ZNG1F: variants seen among roughly 807,000 people sequenced by gnomAD.
ZNG1F encodes the protein zinc-regulated GTPase metalloprotein activator 1F.
At chr9:41,156,027 A>G in the ZNG1F span, among the ~76,000 whole-genome samples, 4 of 113,042 alleles carry the variant, frequency 3.5e-5, no homozygotes, top group African/African-American at 1.4e-4. Context: ...ATAAAAAATA[A>G]AAAAATAAAG....
chr9:41,134,000 C>A, the ZNG1F span: 1 of 510,932 alleles, frequency 2.0e-6, no homozygotes, highest in Non-Finnish European at 3.4e-6. Flanking sequence ...ACTCAAAAAC[C>A]CTGATGAAAG....
chr9:41,161,032 G>C, the ZNG1F span: 1 of 14,470 alleles, frequency 6.9e-5, no homozygotes, highest in East Asian at 1.5e-3. Context: ...CTATAATAAA[G>C]CAAATGTTAG....
chr9:41,183,028 G>A, the ZNG1F span, among the ~76,000 whole-genome samples: 1 of 48,860 alleles, frequency 2.0e-5, no homozygotes, highest in African/African-American at 8.8e-5. Flanking sequence ...AAATGATGCC[G>A]AAGAGATTTA....
At chr9:41,152,414 C>A in the ZNG1F span, among the ~76,000 whole-genome samples, 2 of 148,488 alleles carry the variant, frequency 1.3e-5, no homozygotes, top group Non-Finnish European at 3.0e-5. Context: ...GAGACTTTAA[C>A]ACCCCACTGT....
At chr9:41,132,552 G>T in the ZNG1F span, 39 of 1,379,120 alleles carry the variant, frequency 2.8e-5, no homozygotes, top group Non-Finnish European at 3.7e-5. Context: ...TTCAAAAAAG[G>T]TTTCTGTGTA....
the ZNG1F span, chr9:41,146,112 G>T: frequency 6.9e-6 from 1 of 145,772 alleles, no homozygotes; most frequent in African/African-American, 2.6e-5. Flanking sequence ...AGTCTCTTTG[G>T]GGGGTCCTAG....
the ZNG1F span, chr9:41,183,637 C>G: frequency 6.2e-7 from 1 of 1,604,216 alleles, no homozygotes. Flanking sequence ...TGGCTGACAG[C>G]TAAGGATTTC....
the ZNG1F span, chr9:41,145,611 AAT>A: frequency 5.6e-6 from 1 of 177,048 alleles, no homozygotes; most frequent in African/African-American, 3.0e-5. Flanking sequence ...TGTATGGTTA[AAT>A]ATGTCAGTAA....
At chr9:41,200,777 G>A in the ZNG1F span, among the ~76,000 whole-genome samples, 1 of 152,332 alleles carries the variant, frequency 6.6e-6, no homozygotes, top group African/African-American at 2.4e-5. Context: ...ATCTCACATG[G>A]AACCAGACAG....
At chr9:41,154,757 G>T in the ZNG1F span, among the ~76,000 whole-genome samples, 2 of 150,210 alleles carry the variant, frequency 1.3e-5, 1 homozygote, top group African/African-American at 4.9e-5. Context: ...AGTGGGGAAA[G>T]ATTCCCTATT....
chr9:41,204,410 ATATATATATATC>A, the ZNG1F span, among the ~76,000 whole-genome samples: 1 of 12,046 alleles, frequency 8.3e-5, no homozygotes, highest in African/African-American at 1.6e-4. Context: ...ATATATATAT[ATATATATATATC>A]TGTATAACCA....
chr9:41,187,712 C>G, the ZNG1F span, among the ~76,000 whole-genome samples: 31 of 131,330 alleles, frequency 2.4e-4, 1 homozygote, highest in African/African-American at 8.5e-4. Flanking sequence ...GGGATGGTAA[C>G]AGACGAAGTT....
chr9:41,154,948 G>A, the ZNG1F span, among the ~76,000 whole-genome samples: 1 of 144,280 alleles, frequency 6.9e-6, no homozygotes, highest in Non-Finnish European at 1.5e-5. Flanking sequence ...GCATGGGCAA[G>A]GACTTCATGT....
the ZNG1F span, among the ~76,000 whole-genome samples, chr9:41,134,221 C>T: frequency 7.6e-4 from 109 of 143,286 alleles, 5 homozygotes; most frequent in African/African-American, 2.7e-3. Context: ...AATAAGCTAC[C>T]CAGAGCCAGG....
the ZNG1F span, chr9:41,183,771 T>C: frequency 1.3e-6 from 2 of 1,570,336 alleles, no homozygotes; most frequent in African/African-American, 2.8e-5. Flanking sequence ...AGCAGAAACT[T>C]ATATTTTATA....
chr9:41,169,820 T>C, the ZNG1F span, among the ~76,000 whole-genome samples: 1 of 147,606 alleles, frequency 6.8e-6, no homozygotes, highest in African/African-American at 2.6e-5. Flanking sequence ...TAAATATATA[T>C]AGTTTTTACT....
the ZNG1F span, among the ~76,000 whole-genome samples, chr9:41,137,345 T>A: frequency 6.9e-6 from 1 of 145,020 alleles, no homozygotes; most frequent in Non-Finnish European, 1.5e-5. Context: ...GTGCTTGATA[T>A]AATTTTAATT....
chr9:41,173,808 T>C, the ZNG1F span, among the ~76,000 whole-genome samples: 1 of 144,260 alleles, frequency 6.9e-6, no homozygotes, highest in East Asian at 2.1e-4. Flanking sequence ...TCTGGGGTTT[T>C]TTAATCTATA....
the ZNG1F span, among the ~76,000 whole-genome samples, chr9:41,148,667 G>T: frequency 7.1e-6 from 1 of 141,004 alleles, no homozygotes; most frequent in African/African-American, 2.6e-5. Context: ...CACACTTCTG[G>T]CTGCTGAAAT....
Sources: gnomAD v4.1 joint callset for allele counts (sites outside exome capture counted in the v4.1 genomes callset) on GRCh38, gnomAD v4.1.1 for gene constraint, MANE v1.5 for transcripts, NCBI Gene and HGNC (gene_info 2026-07-23, HGNC 2026-07-21) for gene names.